The following CDKL3 variants were observed in gnomAD, a reference collection of about 807,000 sequenced individuals.
CDKL3 encodes the protein cyclin-dependent kinase-like 3.
Under a neutral mutation model 69.3 loss-of-function variants are expected in CDKL3, and 65 were observed. The observed-to-expected ratio is 0.94, with a 90% confidence interval of 0.77 to 1.15. The LOEUF (loss-of-function observed/expected upper bound fraction) is 1.15. Among genes scored for constraint, CDKL3 ranks in the 50% most tolerant of loss-of-function variants. The probability of loss-of-function intolerance (pLI) is 0.00; values close to 1 mark genes in which losing one functional copy is unlikely to be tolerated. For synonymous variants in CDKL3, 202 were observed against 221.6 expected (o/e 0.91, Z 0.79); for missense variants, 652 against 689.2 (o/e 0.95, Z 0.61).
chr5:134,320,015 A>G (rs937906294), intron 5 of CDKL3, among the ~76,000 whole-genome samples: 2 of 152,144 alleles, frequency 1.3e-5, no homozygotes, highest in African/African-American at 4.8e-5. Context: ...TGCTATAACT[A>G]GTTCTGTGAC....
chr5:134,340,501 A>T (rs866783058), intron 4 of CDKL3, among the ~76,000 whole-genome samples: 1 of 152,210 alleles, frequency 6.6e-6, no homozygotes, highest in African/African-American at 2.4e-5. Flanking sequence ...GAGAAAACTC[A>T]AAGTATTAGA....
intron 4 of CDKL3, among the ~76,000 whole-genome samples, chr5:134,325,332 T>C (rs1452459897): frequency 6.6e-6 from 1 of 152,192 alleles, no homozygotes; most frequent in Non-Finnish European, 1.5e-5. Flanking sequence ...AGGAATTAAT[T>C]ATAGTATATA....
intron 2 of CDKL3, among the ~76,000 whole-genome samples, chr5:134,361,853 G>A (rs1561651198): frequency 1.3e-5 from 2 of 152,222 alleles, no homozygotes; most frequent in South Asian, 2.1e-4. Flanking sequence ...GCAGTGAGCC[G>A]AGATTGTGCC....
intron 3 of CDKL3, among the ~76,000 whole-genome samples, chr5:134,358,536 TTTC>T (rs1044375486): frequency 3.3e-5 from 5 of 151,934 alleles, no homozygotes; most frequent in Non-Finnish European, 7.4e-5. Context: ...TTTCCTTTTT[TTTC>T]TTTTCTTTCC....
chr5:134,328,920 A>G (rs73289851), intron 4 of CDKL3, among the ~76,000 whole-genome samples: 21,369 of 152,202 alleles, frequency 0.14, 1,829 homozygotes, highest in African/African-American at 0.23. Context: ...TCAAAAATGA[A>G]GGTGAAAGTT....
chr5:134,341,885 C>G (rs1750582547), intron 4 of CDKL3, among the ~76,000 whole-genome samples: 1 of 152,326 alleles, frequency 6.6e-6, no homozygotes, highest in South Asian at 2.1e-4. Flanking sequence ...ATCTGTGGGC[C>G]CTACATAAAT....
At chr5:134,371,607 G>T (rs1283642412), upstream of CDKL3, 2 of 1,612,784 alleles carry the variant, frequency 1.2e-6, no homozygotes, top group Admixed American at 1.7e-5. Context: ...TGTCGACCCC[G>T]GCCCGGAGGA....
chr5:134,294,905 A>G (rs191670333), downstream of CDKL3, among the ~76,000 whole-genome samples: 1 of 152,224 alleles, frequency 6.6e-6, no homozygotes, highest in East Asian at 1.9e-4. Flanking sequence ...CAAATGATGT[A>G]TCAGATTGCT....
At chr5:134,328,332 A>T (rs1376775429) in intron 4 of CDKL3, among the ~76,000 whole-genome samples, 1 of 152,268 alleles carries the variant, frequency 6.6e-6, no homozygotes. Context: ...TATAAATTAC[A>T]TGTATATATG....
rs146765228 is a variant in CDKL3 at position 134,286,668 on chromosome 5, T to A, written c.*678-109A>T. On this transcript the variant is annotated intron_variant and NMD_transcript_variant, in intron 8 of 8. Transcript: ENST00000519312. ...AAGGCAAGGAACAGCAAGTCATGTC[T>A]TACATGGATGGCAGCATGCAAAAAG... The A allele has an allele frequency of 4.7e-3, 721 of 152,556 alleles. 4 individuals carry two copies. Among genetic ancestry groups the A allele is most frequent in the Admixed American group, 0.011 (170 of 15,292 alleles). The allele number at this position is 152,556 out of a possible 1,614,324, so 9.5% of individuals were successfully genotyped here.
rs1765545449 is a variant in CDKL3, at chr5:134,298,643, A to G, written c.*8T>C. 1.2e-6 allele frequency: 2 copies of G among 1,611,998 alleles called. No homozygotes were observed. The highest frequency in any genetic ancestry group is 1.7e-6 in the Non-Finnish European group (2 of 1,179,334). On this transcript the variant is annotated 3_prime_UTR_variant, in exon 13 of 13. Transcript: ENST00000265334. ...TTGTATTTTTTGGACTATGTAAAAG[A>G]AAAGACACTACCAGAAAAAAAACCT...
chr5:134,312,412 C>T, intron 6 of CDKL3, 32 bp from the exon 7 acceptor site: 2 of 1,189,250 alleles, frequency 1.7e-6, no homozygotes, highest in Non-Finnish European at 2.4e-6. Flanking sequence ...AATAAGTGAG[C>T]TCTCAACAGG....
chr5:134,366,245 A>T, intron 2 of CDKL3, 114 bp downstream of exon 2: 1 of 698,192 alleles, frequency 1.4e-6, no homozygotes, highest in Non-Finnish European at 2.3e-6. Flanking sequence ...AGAGTATTAC[A>T]CTTGTTTCTC....
At chr5:134,367,632 C>T (rs1757775107), upstream of CDKL3, among the ~76,000 whole-genome samples, 1 of 152,168 alleles carries the variant, frequency 6.6e-6, no homozygotes, top group South Asian at 2.1e-4. Context: ...CCTCGGCCTC[C>T]CAAAGTGCTG....
intron 7 of CDKL3, among the ~76,000 whole-genome samples, chr5:134,310,280 T>C (rs969668364): frequency 1.3e-5 from 2 of 151,462 alleles, no homozygotes; most frequent in South Asian, 2.1e-4. Flanking sequence ...CTGCCTCCCG[T>C]GTTCACACCA....
intron 12 of CDKL3, among the ~76,000 whole-genome samples, chr5:134,299,123 C>T (rs1330735906): frequency 6.6e-6 from 1 of 152,140 alleles, no homozygotes; most frequent in Non-Finnish European, 1.5e-5. Context: ...CCACCTGCCT[C>T]GGCCACCCAA....
At chr5:134,326,849 A>ACAGTTTTTCAGATCTACAT (rs1774471535) in intron 4 of CDKL3, among the ~76,000 whole-genome samples, 1 of 106,506 alleles carries the variant, frequency 9.4e-6, no homozygotes, top group Non-Finnish European at 1.7e-5. Flanking sequence ...ATATATATAT[A>ACAGTTTTTCAGATCTACAT]TATATATATA....
At chr5:134,325,241 C>T (rs1773843100) in intron 4 of CDKL3, among the ~76,000 whole-genome samples, 1 of 152,098 alleles carries the variant, frequency 6.6e-6, no homozygotes, top group Non-Finnish European at 1.5e-5. Context: ...TAGTATGTTC[C>T]TATTTCTGTT....
At chr5:134,322,874 G>C (rs1773151000) in intron 4 of CDKL3, among the ~76,000 whole-genome samples, 1 of 151,990 alleles carries the variant, frequency 6.6e-6, no homozygotes, top group South Asian at 2.1e-4. Context: ...AGTTACTCAG[G>C]AGGCTGAGGC....
Sources: allele counts gnomAD v4.1 joint callset (sites outside exome capture counted in the v4.1 genomes callset), GRCh38; gene constraint gnomAD v4.1.1; transcripts MANE v1.5; gene names NCBI Gene and HGNC (gene_info 2026-07-23, HGNC 2026-07-21).